The following TMPRSS11A variants were observed in gnomAD, a reference collection of about 807,000 sequenced individuals.
TMPRSS11A encodes transmembrane serine protease 11A.
In TMPRSS11A, 53 loss-of-function variants were observed where a neutral mutation model predicts 58.9. The ratio of observed to expected loss-of-function variants is 0.90; its 90% CI spans 0.72 to 1.13. The LOEUF is 1.13. Among genes scored for constraint, TMPRSS11A ranks in the 50% most tolerant of loss-of-function variants. The pLI is 0.00. For missense variants in TMPRSS11A, 493 were observed against 499.3 expected (o/e 0.99, Z 0.12); for synonymous variants, 167 against 169.8 (o/e 0.98, Z 0.13).
intron 1 of TMPRSS11A, among the ~76,000 whole-genome samples, chr4:67,955,602 T>G (rs1941342191): frequency 6.6e-6 from 1 of 152,216 alleles, no homozygotes; most frequent in African/African-American, 2.4e-5. Flanking sequence ...TGATTTCTTC[T>G]TTGTCCTTTC....
At chr4:67,953,853 G>T (rs1232721118) in intron 1 of TMPRSS11A, among the ~76,000 whole-genome samples, 2 of 151,994 alleles carry the variant, frequency 1.3e-5, no homozygotes, top group East Asian at 1.9e-4. Flanking sequence ...GTTTTGAAAA[G>T]GTGGCTCTAG....
chr4:67,961,483 C>CTT (rs1553924063), intron 1 of TMPRSS11A, among the ~76,000 whole-genome samples: 5 of 7,184 alleles, frequency 7.0e-4, no homozygotes, highest in Middle Eastern at 0.062. Flanking sequence ...TTTTCTTTTC[C>CTT]TTTTTTTTTT....
In TMPRSS11A at chr4:67,910,878, G is replaced by C. The variant is rs1719954973; in HGVS notation, c.*464C>G. ...GAAAATTCATTTCTTATGGTGGAAA[G>C]GTACTTTGGAAAATCTGATTGAATA... On this transcript the variant is annotated 3_prime_UTR_variant, in exon 10 of 10. Coordinates refer to ENST00000508048, the MANE Select transcript of TMPRSS11A (RefSeq NM_001114387.2). 6.6e-6 allele frequency: 1 copy of C among 152,060 alleles called. No individual in the cohort carries two copies. The allele number at this position is 152,060 out of a possible 1,614,324, so 9.4% of individuals were successfully genotyped here.
At chr4:67,947,622 T>C (rs900483425) in intron 1 of TMPRSS11A, among the ~76,000 whole-genome samples, 9 of 152,232 alleles carry the variant, frequency 5.9e-5, no homozygotes, top group African/African-American at 1.9e-4. Flanking sequence ...GGTGGTGCTG[T>C]GTATTTTATA....
At chr4:67,948,542 C>T (rs1721083870) in intron 1 of TMPRSS11A, among the ~76,000 whole-genome samples, 3 of 152,120 alleles carry the variant, frequency 2.0e-5, no homozygotes, top group Admixed American at 2.0e-4. Context: ...ATAGTTTTGG[C>T]ATAAGTAATA....
chr4:67,961,522 T>G (rs1480383297), intron 1 of TMPRSS11A, among the ~76,000 whole-genome samples: 1 of 70,362 alleles, frequency 1.4e-5, no homozygotes, highest in Admixed American at 1.9e-4. Context: ...TTTTTTTTTT[T>G]TTTTTTTGAG....
rs375614354 is a variant in TMPRSS11A at position 67,919,098 on chromosome 4, A to C, written c.827T>G (p.Val276Gly). 2 of 1,614,104 alleles carry C rather than the reference A, an allele frequency of 1.2e-6. No individual in the cohort carries two copies. The highest frequency in any genetic ancestry group is 8.5e-7 in the Non-Finnish European group (1 of 1,180,040). ...SAAREYDIAV[V>G]QVSSRVTFSD... Reference sequence around the variant, plus strand: ...AAAGGTGACTCTGGAAGAGACCTGCACAACAGCAATGTCGTACTCTCTTGC... The same window carrying C: ...AAAGGTGACTCTGGAAGAGACCTGCCCAACAGCAATGTCGTACTCTCTTGC... The change falls in exon 8 of 10, where the codon GTG becomes GGG. Residue 276 changes from valine (V) to glycine (G), a missense_variant. Coordinates refer to ENST00000508048, the MANE Select transcript of TMPRSS11A (RefSeq NM_001114387.2).
intron 1 of TMPRSS11A, 101 bp downstream of exon 1, chr4:67,963,282 C>A: frequency 8.5e-7 from 1 of 1,174,118 alleles, no homozygotes; most frequent in Non-Finnish European, 1.2e-6. Context: ...AGATTGAATC[C>A]ACCAAAGACA....
intron 1 of TMPRSS11A, among the ~76,000 whole-genome samples, chr4:67,956,615 A>C (rs991238743): frequency 4.1e-4 from 63 of 152,232 alleles, no homozygotes; most frequent in African/African-American, 1.5e-3. Flanking sequence ...GTAAGAAATA[A>C]ATGAGATAAT....
chr4:67,944,712 T>C, intron 2 of TMPRSS11A, 75 bp from the exon 3 acceptor site: 1 of 1,265,808 alleles, frequency 7.9e-7, no homozygotes, highest in Non-Finnish European at 1.1e-6. Flanking sequence ...ATGGGGCCAA[T>C]ATAAATCTTG....
chr4:67,929,232 G>A (rs892029776), intron 5 of TMPRSS11A, among the ~76,000 whole-genome samples: 4 of 152,076 alleles, frequency 2.6e-5, no homozygotes, highest in African/African-American at 9.7e-5. Flanking sequence ...TTAAGGTAAA[G>A]GCCATAGAGA....
intron 5 of TMPRSS11A, 33 bp from the exon 6 acceptor site, chr4:67,924,199 T>C (rs1276163239): frequency 1.9e-6 from 3 of 1,601,910 alleles, no homozygotes; most frequent in South Asian, 2.2e-5. Context: ...TAGTGATAAT[T>C]TGATATTTTC....
rs757543062 is a variant in TMPRSS11A, at chr4:67,963,384, G to A, written c.10C>T (p.Arg4Trp). 1.7e-5 allele frequency: 28 copies of A among 1,613,466 alleles called. No homozygotes were observed. Among genetic ancestry groups the A allele is most frequent in the Admixed American group, 3.3e-5 (2 of 59,872 alleles). MMY[R>W]TVGFGTRSRN... ...TCTATAAAACAGAACTGAACTTACC[G>A]ATACATCATGTACAGGAGGAAGAAT... The change falls in exon 1 of 10, where the codon CGG (arginine) becomes TGG (tryptophan). Residue 4 changes from arginine (R) to tryptophan (W), a missense_variant and splice_region_variant. Arg to Trp is a moderately radical substitution (Grantham distance 101). Transcript: ENST00000508048.
chr4:67,955,304 T>C (rs1721259086), intron 1 of TMPRSS11A, among the ~76,000 whole-genome samples: 1 of 152,216 alleles, frequency 6.6e-6, no homozygotes, highest in African/African-American at 2.4e-5. Flanking sequence ...GTTCTACTTT[T>C]CTAGAAATGG....
rs1240781457 is a variant in TMPRSS11A at position 67,910,665 on chromosome 4, T to C, written c.*677A>G. The C allele has an allele frequency of 6.6e-6, 1 of 152,052 alleles. No homozygotes were observed. Among genetic ancestry groups the C allele is most frequent in the Non-Finnish European group, 1.5e-5 (1 of 67,928 alleles). 9.4% of individuals were successfully genotyped at this position (152,052 alleles called of 1,614,324 possible). ...TATATAATTCATTAATCGGGATTTT[T>C]CTGATTATATCTGTAGGATAAGAAT... On this transcript the variant is annotated 3_prime_UTR_variant, in exon 10 of 10. Coordinates refer to ENST00000508048, the MANE Select transcript of TMPRSS11A (RefSeq NM_001114387.2).
Position 67,946,460 on chromosome 4 carries a change from G to C in TMPRSS11A, c.123C>G (p.Phe41Leu). The C allele has an allele frequency of 6.2e-7, 1 of 1,601,616 alleles. No homozygotes were observed. The highest frequency in any genetic ancestry group is 1.1e-5 in the South Asian group (1 of 88,748). The part of the protein sequence containing the change: ...VAVTIGLLVH[F>L]LVFDQKKEYY... ...TTTAATTTTACCTACCAAATACTAG[G>C]AAGTGAACCAGGAGACCTATGGTCA... Residue 41 changes from phenylalanine to leucine, a missense_variant, in exon 2 of 10, where the codon TTC becomes TTG. Coordinates refer to ENST00000508048, the MANE Select transcript of TMPRSS11A (RefSeq NM_001114387.2).
chr4:67,930,183 G>T, intron 4 of TMPRSS11A, 143 bp from the exon 5 acceptor site: 1 of 590,426 alleles, frequency 1.7e-6, no homozygotes. Flanking sequence ...TCTGACCCAA[G>T]GTCATTTCAT....
At chr4:67,931,556 G>A (rs1377468529) in intron 4 of TMPRSS11A, among the ~76,000 whole-genome samples, 1 of 152,078 alleles carries the variant, frequency 6.6e-6, no homozygotes, top group Non-Finnish European at 1.5e-5. Context: ...ATGTCATTCG[G>A]TTACATTACA....
At chr4:67,921,756 A>AT (rs1440781781) in intron 7 of TMPRSS11A, among the ~76,000 whole-genome samples, 1 of 152,234 alleles carries the variant, frequency 6.6e-6, no homozygotes, top group Admixed American at 6.5e-5. Flanking sequence ...CTATTACCTA[A>AT]TACACTAAGG....
Sources: allele counts gnomAD v4.1 joint callset (sites outside exome capture counted in the v4.1 genomes callset), GRCh38; gene constraint gnomAD v4.1.1; transcripts MANE v1.5; gene names NCBI Gene and HGNC (gene_info 2026-07-23, HGNC 2026-07-21).